OTUD7B: variants seen among roughly 807,000 people sequenced by gnomAD.
The protein encoded by OTUD7B is OTU domain-containing protein 7B.
In OTUD7B, 34 loss-of-function variants were observed where a neutral mutation model predicts 82.2. The observed-to-expected ratio is 0.41, with a 90% CI of 0.31 to 0.55. OTUD7B has a LOEUF of 0.55. OTUD7B is among the 20% of genes least tolerant of loss of function. The pLI is 0.20. For synonymous variants in OTUD7B, 398 were observed against 402.7 expected (o/e 0.99, Z 0.14); for missense variants, 944 against 1,062.1 (o/e 0.89, Z 1.55).
chr1:149,944,264 G>C lies in OTUD7B; in HGVS notation c.2125C>G (p.Gln709Glu), dbSNP rs782354201. 15 of 1,611,260 alleles carry C rather than the reference G, an allele frequency of 9.3e-6. No individual in the cohort carries two copies. The highest frequency in any genetic ancestry group is 1.3e-5 in the African/African-American group (1 of 74,880). Reference sequence around the variant, plus strand: ...CCTGCCAACTGCCTCCGGGGTTCCTGGCAGTGGACTCCGCCCCCAGACGGC... The same window carrying C: ...CCTGCCAACTGCCTCCGGGGTTCCTCGCAGTGGACTCCGCCCCCAGACGGC... ...PRPSGGGVHC[Q>E]EPRRQLAGGP... Residue 709 changes from glutamine (Q) to glutamate (E), a missense_variant, in exon 12 of 12, where the codon CAG (glutamine) becomes GAG (glutamate). Coordinates refer to ENST00000581312, the MANE Select transcript of OTUD7B (RefSeq NM_020205.4).
At chr1:149,957,090 C>T (rs1233678334) in intron 7 of OTUD7B, among the ~76,000 whole-genome samples, 10 of 148,834 alleles carry the variant, frequency 6.7e-5, no homozygotes, top group South Asian at 2.2e-4. Flanking sequence ...TGAGGAGCTG[C>T]GTTCCTTTGG....
intron 1 of OTUD7B, among the ~76,000 whole-genome samples, chr1:150,003,186 CT>C (rs1319075437): frequency 6.8e-6 from 1 of 147,916 alleles, no homozygotes; most frequent in Non-Finnish European, 1.5e-5. Flanking sequence ...GGAGGCGGAG[CT>C]TGCAGTGAGC....
the OTUD7B span, among the ~76,000 whole-genome samples, chr1:150,052,935 AG>A: frequency 6.6e-6 from 1 of 152,152 alleles, no homozygotes; most frequent in Non-Finnish European, 1.5e-5. Context: ...CAAGCAATAG[AG>A]AAAAGACTCC....
At chr1:149,994,031 A>G (rs1210121452) in intron 1 of OTUD7B, among the ~76,000 whole-genome samples, 1 of 152,198 alleles carries the variant, frequency 6.6e-6, no homozygotes, top group Non-Finnish European at 1.5e-5. Flanking sequence ...TACAAAAGGT[A>G]TCAATTAGTA....
chr1:150,060,671 C>G, the OTUD7B span, among the ~76,000 whole-genome samples: 2 of 152,082 alleles, frequency 1.3e-5, no homozygotes, highest in East Asian at 3.8e-4. Flanking sequence ...AAAGCTGAGG[C>G]TGAAGGTTGA....
intron 7 of OTUD7B, among the ~76,000 whole-genome samples, chr1:149,955,773 A>G (rs1253669696): frequency 6.6e-6 from 1 of 151,590 alleles, no homozygotes; most frequent in Non-Finnish European, 1.5e-5. Flanking sequence ...TGTTGAATTG[A>G]TCCCTTTACC....
At chr1:149,970,403 C>A (rs782400436) in intron 3 of OTUD7B, among the ~76,000 whole-genome samples, 8 of 151,586 alleles carry the variant, frequency 5.3e-5, no homozygotes, top group Non-Finnish European at 1.0e-4. Flanking sequence ...ACTGCAACCT[C>A]CACCTCCCAA....
At chr1:149,982,715 C>G (rs1468809368) in intron 1 of OTUD7B, among the ~76,000 whole-genome samples, 1 of 152,072 alleles carries the variant, frequency 6.6e-6, no homozygotes, top group Non-Finnish European at 1.5e-5. Context: ...AATACTAAGA[C>G]CACCTCCACA....
At chr1:150,022,427 C>A in the OTUD7B span, among the ~76,000 whole-genome samples, 20 of 3,588 alleles carry the variant, frequency 5.6e-3, 4 homozygotes, top group South Asian at 5.3e-3. Context: ...AAAAAAATAA[C>A]TACATGCTGA....
At chr1:149,960,390 TTTTTTTC>T (rs1649064790) in intron 6 of OTUD7B, among the ~76,000 whole-genome samples, 1,824 of 5,454 alleles carry the variant, frequency 0.33, 252 homozygotes, top group South Asian at 0.5. Context: ...TTTTCTTTCC[TTTTTTTC>T]TTTTTTTTTT....
the OTUD7B span, among the ~76,000 whole-genome samples, chr1:150,021,846 G>A: frequency 6.6e-6 from 1 of 152,202 alleles, no homozygotes; most frequent in South Asian, 2.1e-4. Flanking sequence ...AAAAAGGTGT[G>A]AATGTTAACA....
chr1:150,004,176 A>AC (rs1553785584), intron 1 of OTUD7B, among the ~76,000 whole-genome samples: 1 of 151,388 alleles, frequency 6.6e-6, no homozygotes, highest in African/African-American at 2.4e-5. Flanking sequence ...CACTTCACAC[A>AC]CCCCCAGTGT....
chr1:150,033,386 A>C, the OTUD7B span, among the ~76,000 whole-genome samples: 16 of 152,252 alleles, frequency 1.1e-4, no homozygotes, highest in East Asian at 2.9e-3. Flanking sequence ...TCCCAAACTC[A>C]TTCTTTTCCC....
At chr1:149,976,633 A>AAAAAAAAAAAAAAAAAAAT (rs1176193849) in intron 2 of OTUD7B, among the ~76,000 whole-genome samples, 1 of 102,646 alleles carries the variant, frequency 9.7e-6, no homozygotes, top group Non-Finnish European at 1.9e-5. Flanking sequence ...AAAAAAAAAT[A>AAAAAAAAAAAAAAAAAAAT]CTAGAACATT....
intron 7 of OTUD7B, among the ~76,000 whole-genome samples, chr1:149,953,987 T>C (rs1185252416): frequency 6.6e-6 from 1 of 152,232 alleles, no homozygotes; most frequent in East Asian, 1.9e-4. Context: ...TCATGTCACC[T>C]GCAAACAGGG....
the OTUD7B span, among the ~76,000 whole-genome samples, chr1:150,024,369 T>G: frequency 6.6e-6 from 1 of 152,138 alleles, no homozygotes; most frequent in Non-Finnish European, 1.5e-5. Flanking sequence ...TCTCACAGAC[T>G]TATGAGGGGA....
intron 6 of OTUD7B, chr1:149,963,675 CCTGAGAAGTA>C (rs1649317439): frequency 6.6e-6 from 1 of 151,620 alleles, no homozygotes; most frequent in South Asian, 2.1e-4. Flanking sequence ...TTGACAAACT[CCTGAGAAGTA>C]CTGTTCAGAC....
At chr1:150,033,522 A>T in the OTUD7B span, among the ~76,000 whole-genome samples, 1 of 152,130 alleles carries the variant, frequency 6.6e-6, no homozygotes, top group African/African-American at 2.4e-5. Flanking sequence ...AGAACTTGCC[A>T]GTGGTAAAAA....
At chr1:149,958,824 A>C (rs1472273405) in intron 7 of OTUD7B, among the ~76,000 whole-genome samples, 6 of 151,444 alleles carry the variant, frequency 4.0e-5, no homozygotes, top group Non-Finnish European at 7.4e-5. Context: ...AACTCACTGC[A>C]GCCTCGACCT....
Sources: gnomAD v4.1 joint callset for allele counts (sites outside exome capture counted in the v4.1 genomes callset) on GRCh38, gnomAD v4.1.1 for gene constraint, MANE v1.5 for transcripts, NCBI Gene and HGNC (gene_info 2026-07-23, HGNC 2026-07-21) for gene names.